The following PRICKLE2 variants were observed in gnomAD, a reference collection of about 807,000 sequenced individuals.
PRICKLE2 encodes the protein prickle-like protein 2.
PRICKLE2 carries 21 observed loss-of-function variants against 81.4 expected under a neutral mutation model. The observed-to-expected ratio is 0.26, with a 90% CI of 0.18 to 0.37. The LOEUF (loss-of-function observed/expected upper bound fraction) is 0.37. Among genes scored for constraint, PRICKLE2 ranks in the 10% least tolerant of loss-of-function variants. The probability of loss-of-function intolerance (pLI) is 1.00; values close to 1 mark genes in which losing one functional copy is unlikely to be tolerated. For missense variants in PRICKLE2, 940 were observed against 1,109.0 expected (o/e 0.85, Z 2.16); for synonymous variants, 456 against 421.5 (o/e 1.08, Z -1.00).
chr3:64,244,223 T>G (rs956497378), intron 2 of PRICKLE2, among the ~76,000 whole-genome samples: 1 of 152,196 alleles, frequency 6.6e-6, no homozygotes, highest in Admixed American at 6.5e-5. Context: ...TTCTGTTTAA[T>G]TTTACTCAGT....
chr3:64,164,010 T>C (rs1367297824), intron 2 of PRICKLE2: 1 of 150,996 alleles, frequency 6.6e-6, no homozygotes, highest in East Asian at 1.9e-4. Context: ...TTTAACGACA[T>C]GAGCACCTCT....
chr3:64,265,842 G>A (rs2079697760), intron 2 of PRICKLE2, among the ~76,000 whole-genome samples: 1 of 152,208 alleles, frequency 6.6e-6, no homozygotes, highest in South Asian at 2.1e-4. Context: ...GGGAAAAGAA[G>A]CCAAGAGTTT....
intron 2 of PRICKLE2, among the ~76,000 whole-genome samples, chr3:64,175,625 C>T (rs1014433587): frequency 3.3e-5 from 5 of 152,094 alleles, no homozygotes. Context: ...TCATTTTGTT[C>T]ATTACATCTA....
chr3:64,105,023 A>G (rs1303501488), intron 7 of PRICKLE2, among the ~76,000 whole-genome samples: 1 of 152,162 alleles, frequency 6.6e-6, no homozygotes, highest in Non-Finnish European at 1.5e-5. Flanking sequence ...TCTTTCTCCA[A>G]GATAATCAAC....
intron 1 of PRICKLE2, among the ~76,000 whole-genome samples, chr3:64,204,756 A>T (rs574553301): frequency 6.6e-6 from 1 of 152,194 alleles, no homozygotes; most frequent in East Asian, 1.9e-4. Context: ...GTGGCAAGAC[A>T]TTTTTCTTTG....
At chr3:64,115,832 C>G (rs2076925307) in intron 7 of PRICKLE2, among the ~76,000 whole-genome samples, 1 of 152,134 alleles carries the variant, frequency 6.6e-6, no homozygotes, top group Non-Finnish European at 1.5e-5. Flanking sequence ...GAACTCCGCT[C>G]TGGATCAAGC....
At chr3:64,251,644 G>A (rs772888008) in intron 2 of PRICKLE2, among the ~76,000 whole-genome samples, 1 of 152,168 alleles carries the variant, frequency 6.6e-6, no homozygotes, top group Non-Finnish European at 1.5e-5. Context: ...GGAGAAGCAT[G>A]GACAGACATC....
At chr3:64,130,441 C>A (rs935130798) in intron 7 of PRICKLE2, among the ~76,000 whole-genome samples, 75 of 152,152 alleles carry the variant, frequency 4.9e-4, no homozygotes, top group Non-Finnish European at 1.2e-4. Context: ...CGCTCAAGAT[C>A]CTCTTGAGAG....
intron 1 of PRICKLE2, among the ~76,000 whole-genome samples, chr3:64,218,732 G>A (rs1363792244): frequency 6.6e-6 from 1 of 152,164 alleles, no homozygotes; most frequent in African/African-American, 2.4e-5. Flanking sequence ...ACTCAAATAA[G>A]TGACAATTGG....
At chr3:64,235,650 G>C (rs2079169910) in intron 2 of PRICKLE2, among the ~76,000 whole-genome samples, 1 of 152,132 alleles carries the variant, frequency 6.6e-6, no homozygotes, top group African/African-American at 2.4e-5. Context: ...GAGGGCCTGA[G>C]ACCAGTTTTC....
chr3:64,249,623 G>C (rs180846257), intron 2 of PRICKLE2, among the ~76,000 whole-genome samples: 1 of 152,278 alleles, frequency 6.6e-6, no homozygotes, highest in East Asian at 1.9e-4. Context: ...AAAAAATGAT[G>C]TGAAGACTCC....
At chr3:64,260,384 A>G (rs990149679) in intron 2 of PRICKLE2, among the ~76,000 whole-genome samples, 1 of 152,232 alleles carries the variant, frequency 6.6e-6, no homozygotes, top group Admixed American at 6.5e-5. Flanking sequence ...GATAATCTCC[A>G]TGGTTCATTC....
intron 7 of PRICKLE2, among the ~76,000 whole-genome samples, chr3:64,130,128 T>C (rs2077175627): frequency 6.6e-6 from 1 of 152,230 alleles, no homozygotes; most frequent in Admixed American, 6.5e-5. Context: ...ATCTCCAAGA[T>C]GGGGATAATC....
intron 7 of PRICKLE2, among the ~76,000 whole-genome samples, chr3:64,144,347 C>T (rs1246379346): frequency 6.6e-6 from 1 of 152,174 alleles, no homozygotes; most frequent in Admixed American, 6.5e-5. Flanking sequence ...AAATGAGAAT[C>T]ATAACAATAT....
At chr3:64,111,306 C>T (rs1312371392) in intron 7 of PRICKLE2, among the ~76,000 whole-genome samples, 1 of 152,200 alleles carries the variant, frequency 6.6e-6, no homozygotes, top group Non-Finnish European at 1.5e-5. Context: ...CACTTTTACG[C>T]ATGTTGTCAT....
chr3:64,188,134 A>G (rs1180583958), intron 2 of PRICKLE2, among the ~76,000 whole-genome samples: 3 of 152,220 alleles, frequency 2.0e-5, no homozygotes, highest in African/African-American at 7.2e-5. Flanking sequence ...GGAGATTCAA[A>G]TAATGATTCT....
At chr3:64,197,795 C>T (rs973023468) in intron 2 of PRICKLE2, among the ~76,000 whole-genome samples, 3 of 152,026 alleles carry the variant, frequency 2.0e-5, no homozygotes, top group African/African-American at 7.3e-5. Context: ...CAACAAACTC[C>T]CATGACACCA....
At chr3:64,126,042 G>A (rs1293102619) in intron 7 of PRICKLE2, among the ~76,000 whole-genome samples, 3 of 151,876 alleles carry the variant, frequency 2.0e-5, no homozygotes, top group Non-Finnish European at 4.4e-5. Context: ...GAGAGTAATC[G>A]TGGACAATTT....
rs2077651144 is a variant in PRICKLE2 at position 64,157,270 on chromosome 3, G to A, written c.492C>T (p.Val164=). 3 of 1,614,114 alleles carry A rather than the reference G, an allele frequency of 1.9e-6. No individual in the cohort carries two copies. The highest frequency in any genetic ancestry group is 3.3e-5 in the Admixed American group (2 of 60,012). The stretch of plus-strand genomic sequence containing the variant: ...TCAGATCCACCAGGAGCTCATTGCA[G>A]ACAGTGCATACGAAGCACGGCGGGT... The part of the protein sequence containing the change: ...CWHPPCFVCT[V]CNELLVDLIY... The change falls in exon 5 of 8, where the codon GTC becomes GTT. Residue 164 remains valine (V), a synonymous_variant. Coordinates refer to ENST00000638394, the MANE Select transcript of PRICKLE2 (RefSeq NM_198859.4).
Sources: gnomAD v4.1 joint callset for allele counts (sites outside exome capture counted in the v4.1 genomes callset) on GRCh38, gnomAD v4.1.1 for gene constraint, MANE v1.5 for transcripts, NCBI Gene and HGNC (gene_info 2026-07-23, HGNC 2026-07-21) for gene names.